Variants in PTGES3 observed in about 807,000 individuals in gnomAD.
PTGES3 encodes Hsp90 co-chaperone.
In PTGES3, 5 loss-of-function variants were observed where a neutral mutation model predicts 29.9. That is an observed-to-expected ratio of 0.17 (90% CI 0.09 to 0.35). PTGES3 has a LOEUF of 0.35. PTGES3 is among the 10% of genes least tolerant of loss of function. The pLI, the probability that PTGES3 is intolerant of heterozygous loss-of-function variation, is 1.00. For missense variants in PTGES3, 128 were observed against 190.0 expected (o/e 0.67, Z 1.92); for synonymous variants, 49 against 57.8 (o/e 0.85, Z 0.69).
At chr12:56,684,406 G>A (rs1457495098) in intron 1 of PTGES3, among the ~76,000 whole-genome samples, 3 of 152,150 alleles carry the variant, frequency 2.0e-5, no homozygotes, top group Non-Finnish European at 2.9e-5. Context: ...ACTGAACAAA[G>A]GCCACCCACC....
intron 4 of PTGES3, 32 bp from the exon 5 acceptor site, chr12:56,670,396 T>C: frequency 6.7e-7 from 1 of 1,484,134 alleles, no homozygotes; most frequent in Non-Finnish European, 9.4e-7. Context: ...ACCCTAAGAT[T>C]AGGCTAATTT....
intron 1 of PTGES3, among the ~76,000 whole-genome samples, chr12:56,686,296 G>C (rs1371873897): frequency 8.5e-5 from 13 of 152,164 alleles, no homozygotes; most frequent in Admixed American, 7.2e-4. Context: ...AGTATGAAAG[G>C]TTAAGACTGA....
At chr12:56,671,720 A>C in intron 4 of PTGES3, 29 bp downstream of exon 4, 1 of 1,386,212 alleles carries the variant, frequency 7.2e-7, no homozygotes, top group Non-Finnish European at 9.8e-7. Context: ...AAAATATCAA[A>C]CTTTTCAAAA....
chr12:56,669,531 T>TGC (rs1951919599), intron 5 of PTGES3, among the ~76,000 whole-genome samples: 1 of 151,934 alleles, frequency 6.6e-6, no homozygotes, highest in Non-Finnish European at 1.5e-5. Context: ...GATCCGCCCA[T>TGC]CTCAGCCTCC....
At chr12:56,673,500 AAAAAAAAAAAAAG>A (rs1952089551) in intron 1 of PTGES3, among the ~76,000 whole-genome samples, 1 of 139,890 alleles carries the variant, frequency 7.1e-6, no homozygotes, top group African/African-American at 3.0e-5. Flanking sequence ...AAAAAAAAAA[AAAAAAAAAAAAAG>A]CAGGGTACGG....
chr12:56,665,593 T>C, intron 6 of PTGES3: 1 of 985,466 alleles, frequency 1.0e-6, no homozygotes, highest in Non-Finnish European at 1.2e-6. Flanking sequence ...AATCCTGACA[T>C]AAAACCTATT....
intron 1 of PTGES3, among the ~76,000 whole-genome samples, chr12:56,686,629 G>C (rs956506304): frequency 1.3e-5 from 2 of 151,834 alleles, no homozygotes; most frequent in South Asian, 2.1e-4. Flanking sequence ...CGCCCGCCTC[G>C]GCCTCTCAGA....
At chr12:56,676,429 A>T (rs1159275657) in intron 1 of PTGES3, among the ~76,000 whole-genome samples, 1 of 152,088 alleles carries the variant, frequency 6.6e-6, no homozygotes, top group African/African-American at 2.4e-5. Flanking sequence ...CAACATGATA[A>T]TGGAGTCCTG....
rs577462824 is a variant in PTGES3 at position 56,677,669 on chromosome 12, T to A, written c.3-4604A>T. Among the ~76,000 whole-genome samples, 36 of 152,224 alleles carry A rather than the reference T, an allele frequency of 2.4e-4. 1 individual carries two copies. Among genetic ancestry groups the A allele is most frequent in the African/African-American group, 5.1e-4 (21 of 41,552 alleles). On this transcript the variant is annotated intron_variant, in intron 1 of 7. Transcript: ENST00000262033. ...CTTGTTCCCCATTATTATTATTATT[T>A]TTTTTTGGTGGGGTGGGTACCTGTG...
At chr12:56,686,041 A>T (rs1952830297) in intron 1 of PTGES3, among the ~76,000 whole-genome samples, 1 of 151,468 alleles carries the variant, frequency 6.6e-6, no homozygotes, top group Non-Finnish European at 1.5e-5. Context: ...TCCCAAGTAT[A>T]GGGATTACAG....
At chr12:56,673,578 A>G (rs7303115) in intron 1 of PTGES3, among the ~76,000 whole-genome samples, 149,381 of 149,654 alleles carry the variant, frequency 1, 74,554 homozygotes, top group Middle Eastern at 1. Flanking sequence ...TGGATCACCT[A>G]AGCTCAGGAG....
intron 5 of PTGES3, 101 bp from the exon 6 acceptor site, chr12:56,666,367 T>C (rs1046474514): frequency 1.9e-4 from 261 of 1,381,950 alleles, no homozygotes; most frequent in African/African-American, 3.2e-4. Flanking sequence ...GCCACAGATA[T>C]CAAAAAATGC....
chr12:56,683,769 C>T (rs1427148241), intron 1 of PTGES3, among the ~76,000 whole-genome samples: 2 of 151,660 alleles, frequency 1.3e-5, no homozygotes, highest in Non-Finnish European at 2.9e-5. Context: ...ACCATTCTGG[C>T]TAACACGGTG....
At chr12:56,677,448 T>G (rs1312212806) in intron 1 of PTGES3, among the ~76,000 whole-genome samples, 1 of 152,152 alleles carries the variant, frequency 6.6e-6, no homozygotes, top group African/African-American at 2.4e-5. Context: ...GCAGTTGCTT[T>G]GATGACATAG....
chr12:56,664,462 G>A lies in PTGES3; in HGVS notation c.*17C>T, dbSNP rs761329993. 12 of 1,602,924 alleles carry A rather than the reference G, an allele frequency of 7.5e-6. No homozygotes were observed. In the South Asian group the frequency reaches 1.1e-4, roughly 15 times the overall value. ...AGTTATTTTTCTTTCTCAAAATCCA[G>A]GTGATGACAATATTCCTTACTCCAG... On this transcript the variant is annotated 3_prime_UTR_variant, in exon 8 of 8. Transcript: ENST00000262033.
At chr12:56,683,522 G>A (rs1476473083) in intron 1 of PTGES3, among the ~76,000 whole-genome samples, 1 of 140,882 alleles carries the variant, frequency 7.1e-6, no homozygotes, top group African/African-American at 2.6e-5. Context: ...ATGGCGGCAG[G>A]CACCTGGAAT....
chr12:56,684,083 T>C (rs969997956), intron 1 of PTGES3, among the ~76,000 whole-genome samples: 1 of 152,192 alleles, frequency 6.6e-6, no homozygotes, highest in African/African-American at 2.4e-5. Context: ...TAGAGTATTT[T>C]TTGAGCTCAC....
intron 5 of PTGES3, 90 bp from the exon 6 acceptor site, chr12:56,666,356 T>G (rs1951786672): frequency 6.9e-7 from 1 of 1,448,266 alleles, no homozygotes; most frequent in Non-Finnish European, 9.2e-7. Flanking sequence ...ACCTTAAGTC[T>G]GCCACAGATA....
At chr12:56,687,517 C>A (rs1405400359) in intron 1 of PTGES3, 2 of 1,000,024 alleles carry the variant, frequency 2.0e-6, no homozygotes, top group Non-Finnish European at 2.4e-6. Context: ...CGGCGAGGTC[C>A]GCGTGGGGCT....
Sources: gnomAD v4.1 joint callset for allele counts (sites outside exome capture counted in the v4.1 genomes callset) on GRCh38, gnomAD v4.1.1 for gene constraint, MANE v1.5 for transcripts, NCBI Gene and HGNC (gene_info 2026-07-23, HGNC 2026-07-21) for gene names.